The following DSCAML1 variants were observed in gnomAD, a reference collection of about 807,000 sequenced individuals.
The protein encoded by DSCAML1 is cell adhesion molecule DSCAML1.
DSCAML1 carries 38 observed loss-of-function variants against 200.5 expected under a neutral mutation model. The ratio of observed to expected loss-of-function variants is 0.19; its 90% CI spans 0.15 to 0.25. DSCAML1 has a LOEUF of 0.25. Ranked by LOEUF, DSCAML1 falls within the 10% of genes least tolerant of loss-of-function variation. DSCAML1 has a pLI of 1.00. For missense variants in DSCAML1, 2,223 were observed against 2,858.8 expected, an observed-to-expected ratio of 0.78 and a Z score of 5.07; for synonymous variants, 1,215 against 1,165.0, an observed-to-expected ratio of 1.04 and a Z score of -0.87.
chr11:117,709,495 A>G (rs1365686866), intron 3 of DSCAML1, among the ~76,000 whole-genome samples: 1 of 152,132 alleles, frequency 6.6e-6, no homozygotes, highest in African/African-American at 2.4e-5. Flanking sequence ...CCCCAAATAT[A>G]GTCACATGGG....
chr11:117,548,952 C>T (rs1388927431), intron 3 of DSCAML1, among the ~76,000 whole-genome samples: 1 of 152,070 alleles, frequency 6.6e-6, no homozygotes, highest in African/African-American at 2.4e-5. Flanking sequence ...TGCTTATACA[C>T]AGACAAGGAG....
intron 1 of DSCAML1, among the ~76,000 whole-genome samples, chr11:117,812,310 G>C (rs2055768078): frequency 6.6e-6 from 1 of 152,240 alleles, no homozygotes; most frequent in Non-Finnish European, 1.5e-5. Flanking sequence ...TCACTCGCCT[G>C]CTACAGCATG....
intron 3 of DSCAML1, among the ~76,000 whole-genome samples, chr11:117,719,733 G>A (rs187905855): frequency 2.2e-4 from 34 of 152,334 alleles, no homozygotes; most frequent in Middle Eastern, 3.4e-3. Context: ...GCAGAAGTCT[G>A]AACCTGAGTG....
chr11:117,666,733 G>C (rs539977068), intron 3 of DSCAML1, among the ~76,000 whole-genome samples: 1 of 152,292 alleles, frequency 6.6e-6, no homozygotes, highest in South Asian at 2.1e-4. Flanking sequence ...CGCAAATTCA[G>C]GCTTGGTTTT....
chr11:117,813,629 C>T (rs1426841660), intron 1 of DSCAML1, among the ~76,000 whole-genome samples: 2 of 152,136 alleles, frequency 1.3e-5, no homozygotes, highest in African/African-American at 4.8e-5. Context: ...TTTTTCAATT[C>T]ATACAAAACC....
At chr11:117,431,830 C>G (rs1419958277) in intron 30 of DSCAML1, 102 bp from the exon 31 acceptor site, 1 of 1,163,690 alleles carries the variant, frequency 8.6e-7, no homozygotes, top group East Asian at 2.6e-5. Flanking sequence ...AGGGAAGAGG[C>G]AGATGCAGCC....
chr11:117,627,212 A>G (rs1348919355), intron 3 of DSCAML1, among the ~76,000 whole-genome samples: 1 of 152,082 alleles, frequency 6.6e-6, no homozygotes, highest in Non-Finnish European at 1.5e-5. Flanking sequence ...TGCCCATCAG[A>G]ACGGAGATGG....
At chr11:117,485,918 A>G (rs768187987) in intron 11 of DSCAML1, among the ~76,000 whole-genome samples, 2 of 152,194 alleles carry the variant, frequency 1.3e-5, no homozygotes, top group Non-Finnish European at 2.9e-5. Context: ...TCCTTGTGTC[A>G]TAGGCTACAC....
In DSCAML1 at chr11:117,467,196, T is replaced by G. The variant is rs11216409; in HGVS notation, c.3025-2014A>C. 1.3e-4 allele frequency among the ~76,000 whole-genome samples: 15 copies of G among 114,546 alleles called. 1 individual carries two copies. The highest frequency in any genetic ancestry group is 5.6e-4 in the African/African-American group (14 of 24,952). 75.1% of individuals were successfully genotyped at this position (114,546 alleles called of 152,430 possible). On this transcript the variant is annotated intron_variant, in intron 16 of 32. Coordinates refer to ENST00000651296, the MANE Select transcript of DSCAML1 (RefSeq NM_020693.4). ...GCACGCATGCGCGTGCACACACACC[T>G]CCCCCCTCCCCCCGCCGCCAATATA...
Position 117,480,541 on chromosome 11 carries a change from CG to C in DSCAML1, c.2686del (p.Arg896GlyfsTer3). 6.3e-7 allele frequency: 1 copy of C among 1,578,816 alleles called. No individual in the cohort carries two copies. Among genetic ancestry groups the C allele is most frequent in the Non-Finnish European group, 8.6e-7 (1 of 1,161,600 alleles). On this transcript the variant is annotated frameshift_variant, in exon 14 of 33. Transcript: ENST00000651296. LOFTEE classifies it high-confidence loss of function. The surrounding 1 kb of genome is among the most constrained non-coding windows in gnomAD (Gnocchi z 4.1). ...EPPDPPELEI[R>X]EVKARSMNLR... is the part of the protein sequence containing the mutation. Reference sequence around the variant, plus strand: ...GTTCATGCTCCGGGCCTTCACCTCCCGGATCTCCAGCTCTGGGGGGTCGGGG... The same window carrying C: ...GTTCATGCTCCGGGCCTTCACCTCCCGATCTCCAGCTCTGGGGGGTCGGGG...
At chr11:117,812,664 C>T (rs1032815181) in intron 1 of DSCAML1, among the ~76,000 whole-genome samples, 1 of 151,644 alleles carries the variant, frequency 6.6e-6, no homozygotes. Context: ...TTACTTCAGT[C>T]AAGCCCAAAT....
At chr11:117,628,976 C>T (rs1018096265) in intron 3 of DSCAML1, among the ~76,000 whole-genome samples, 11 of 152,114 alleles carry the variant, frequency 7.2e-5, no homozygotes, top group African/African-American at 2.2e-4. Context: ...CAGAATCCAC[C>T]CAACCTGGCC....
At chr11:117,683,902 A>G (rs116904534) in intron 3 of DSCAML1, among the ~76,000 whole-genome samples, 2,906 of 152,278 alleles carry the variant, frequency 0.019, 49 homozygotes, top group Middle Eastern at 0.031. Context: ...CAGGGTCCCA[A>G]TACCTTCTTT....
chr11:117,635,196 G>A (rs77952713), intron 3 of DSCAML1, among the ~76,000 whole-genome samples: 513 of 152,196 alleles, frequency 3.4e-3, no homozygotes, highest in African/African-American at 0.012. Flanking sequence ...GTTCTGCAGC[G>A]GCACACAATC....
At chr11:117,798,081 G>A (rs1359660442), upstream of DSCAML1, among the ~76,000 whole-genome samples, 1 of 152,242 alleles carries the variant, frequency 6.6e-6, no homozygotes, top group Non-Finnish European at 1.5e-5. Flanking sequence ...GGTCAATATG[G>A]TTGGAAAGCC....
At chr11:117,696,232 C>T (rs559657234) in intron 3 of DSCAML1, among the ~76,000 whole-genome samples, 3 of 152,250 alleles carry the variant, frequency 2.0e-5, no homozygotes, top group East Asian at 1.9e-4. Context: ...GAGGCTACTT[C>T]GGAGAGACAG....
chr11:117,446,537 G>A (rs1427015185), intron 20 of DSCAML1, among the ~76,000 whole-genome samples: 6 of 151,632 alleles, frequency 4.0e-5, no homozygotes, highest in Non-Finnish European at 7.4e-5. Context: ...GACAAAGGAC[G>A]TAAATTGACA....
chr11:117,754,642 A>G (rs544850727), intron 3 of DSCAML1, among the ~76,000 whole-genome samples: 9 of 152,240 alleles, frequency 5.9e-5, no homozygotes, highest in East Asian at 5.8e-4. Flanking sequence ...GGCTCACCCC[A>G]TTTTAGCTAT....
At chr11:117,534,484 T>G (rs1357283896) in intron 3 of DSCAML1, among the ~76,000 whole-genome samples, 1 of 152,202 alleles carries the variant, frequency 6.6e-6, no homozygotes, top group Non-Finnish European at 1.5e-5. Context: ...TGTGTCCTGC[T>G]TTGACTCACT....
Sources: gnomAD v4.1 joint callset for allele counts (sites outside exome capture counted in the v4.1 genomes callset) on GRCh38, gnomAD v4.1.1 for gene constraint, Gnocchi (gnomAD v3.1) non-coding constraint, MANE v1.5 for transcripts, NCBI Gene and HGNC (gene_info 2026-07-23, HGNC 2026-07-21) for gene names.